CLASP1: variants seen among roughly 807,000 people sequenced by gnomAD.
CLASP1 encodes cytoplasmic linker associated protein 1.
In CLASP1, 38 loss-of-function variants were observed where a neutral mutation model predicts 192.3. The ratio of observed to expected loss-of-function variants is 0.20; its 90% CI spans 0.15 to 0.26. CLASP1 has a LOEUF of 0.26. Among genes scored for constraint, CLASP1 ranks in the 10% least tolerant of loss-of-function variants. The probability of loss-of-function intolerance (pLI) is 1.00; values close to 1 mark genes in which losing one functional copy is unlikely to be tolerated. For missense variants in CLASP1, 1,433 were observed against 1,932.5 expected (o/e 0.74, Z 4.85); for synonymous variants, 691 against 712.8 (o/e 0.97, Z 0.49).
intron 8 of CLASP1, among the ~76,000 whole-genome samples, chr2:121,502,494 C>T (rs2150246305): frequency 6.6e-6 from 1 of 152,290 alleles, no homozygotes; most frequent in South Asian, 2.1e-4. Context: ...ATGATACCCA[C>T]AGGGCAAATA....
At chr2:121,398,698 G>A (rs1384260688) in intron 28 of CLASP1, among the ~76,000 whole-genome samples, 3 of 141,138 alleles carry the variant, frequency 2.1e-5, no homozygotes, top group Non-Finnish European at 3.2e-5. Context: ...CTAGGGATTC[G>A]CTCATTTTCC....
intron 2 of CLASP1, among the ~76,000 whole-genome samples, chr2:121,531,866 CA>C (rs11376040): frequency 3.5e-4 from 50 of 142,346 alleles, no homozygotes; most frequent in East Asian, 4.0e-4. Flanking sequence ...GACTCGGTCT[CA>C]AAAAAAAAAA....
At chr2:121,503,114 G>T in intron 8 of CLASP1, 53 bp downstream of exon 8, 1 of 1,094,218 alleles carries the variant, frequency 9.1e-7, no homozygotes, top group Non-Finnish European at 1.4e-6. Flanking sequence ...TAACATAAAT[G>T]ATGCGAATGT....
At chr2:121,364,893 C>A in intron 36 of CLASP1, 1 of 603,872 alleles carries the variant, frequency 1.7e-6, no homozygotes, top group Admixed American at 2.7e-5. Context: ...TGCACGTAAG[C>A]CAAGCAGCAG....
exon 33 of CLASP1, chr2:121,382,322 C>G (rs1446056263): frequency 6.4e-7 from 1 of 1,552,214 alleles, no homozygotes; most frequent in Non-Finnish European, 8.7e-7. Context: ...ACCCCATAAC[C>G]GACTGCAGTG....
exon 38 of CLASP1, chr2:121,348,671 G>T (rs1213788413): frequency 1.2e-6 from 2 of 1,613,816 alleles, no homozygotes; most frequent in Non-Finnish European, 1.7e-6. Flanking sequence ...GCTCCGGGTG[G>T]ATGGAACTGG....
At chr2:121,499,512 CAAAA>C (rs58681666) in intron 8 of CLASP1, among the ~76,000 whole-genome samples, 1 of 132,190 alleles carries the variant, frequency 7.6e-6, no homozygotes, top group African/African-American at 2.6e-5. Context: ...TGTGAATATT[CAAAA>C]AAAAAAAAAC....
At chr2:121,564,414 C>T (rs1559624733) in intron 2 of CLASP1, among the ~76,000 whole-genome samples, 1 of 152,188 alleles carries the variant, frequency 6.6e-6, no homozygotes, top group Non-Finnish European at 1.5e-5. Flanking sequence ...TTCACCCTAA[C>T]TTAGAACCAC....
exon 2 of CLASP1, chr2:121,606,015 C>G (rs2064373179): frequency 1.3e-6 from 1 of 789,504 alleles, no homozygotes; most frequent in South Asian, 1.8e-5. Context: ...GCCTGTGTTT[C>G]AAAGATGCAA....
exon 13 of CLASP1, chr2:121,458,917 T>C: frequency 2.5e-6 from 4 of 1,613,078 alleles, no homozygotes; most frequent in Non-Finnish European, 3.4e-6. Flanking sequence ...TTAAAGATAG[T>C]TGGCATAATG....
At chr2:121,421,670 G>A (rs1288099659) in intron 22 of CLASP1, among the ~76,000 whole-genome samples, 1 of 152,164 alleles carries the variant, frequency 6.6e-6, no homozygotes, top group Non-Finnish European at 1.5e-5. Flanking sequence ...AGCCTCCTAA[G>A]TAGCTGGGAT....
At chr2:121,398,871 A>G (rs2075720768) in intron 28 of CLASP1, among the ~76,000 whole-genome samples, 1 of 152,230 alleles carries the variant, frequency 6.6e-6, no homozygotes, top group Non-Finnish European at 1.5e-5. Context: ...CACACCACAG[A>G]AGAATGCCTG....
At chr2:121,353,525 C>T (rs2064877694) in intron 37 of CLASP1, among the ~76,000 whole-genome samples, 1 of 152,224 alleles carries the variant, frequency 6.6e-6, no homozygotes, top group South Asian at 2.1e-4. Flanking sequence ...TGCCCAGCCA[C>T]ATCTCTATGC....
chr2:121,438,140 C>A (rs964776139), intron 19 of CLASP1, among the ~76,000 whole-genome samples: 1 of 152,098 alleles, frequency 6.6e-6, no homozygotes, highest in Non-Finnish European at 1.5e-5. Context: ...CTGCATGAAC[C>A]CCGAGGAATT....
chr2:121,597,894 T>G (rs1350531563), intron 2 of CLASP1, among the ~76,000 whole-genome samples: 2 of 152,218 alleles, frequency 1.3e-5, no homozygotes, highest in African/African-American at 4.8e-5. Context: ...TCCAGTTGCA[T>G]AGCCCAGGCG....
chr2:121,634,026 G>A (rs1417675957), intron 1 of CLASP1, among the ~76,000 whole-genome samples: 1 of 150,542 alleles, frequency 6.6e-6, no homozygotes, highest in African/African-American at 2.4e-5. Context: ...AGACCCCAGA[G>A]TACCCACCAG....
At chr2:121,506,342 G>A (rs979925917) in intron 7 of CLASP1, among the ~76,000 whole-genome samples, 1 of 152,092 alleles carries the variant, frequency 6.6e-6, no homozygotes, top group Admixed American at 6.5e-5. Flanking sequence ...TGCAGGGCTT[G>A]TCTTTATCTG....
chr2:121,389,644 T>G lies in CLASP1; in HGVS notation c.3124-1738A>C, dbSNP rs919950109. ...TGGCATTTGAAAGTTATAAAATATA[T>G]GATTACATTCTTGAATAGTACGCTT... On this transcript the variant is annotated intron_variant, in intron 30 of 39. Coordinates refer to ENST00000263710, the Ensembl canonical transcript of CLASP1. Among the ~76,000 whole-genome samples the G allele has an allele frequency of 4.6e-5, 7 of 152,214 alleles. No individual in the cohort carries two copies. The East Asian group carries it at 1.3e-3, about 29-fold the overall frequency.
At chr2:121,390,852 G>A (rs1458590132) in intron 30 of CLASP1, among the ~76,000 whole-genome samples, 1 of 151,956 alleles carries the variant, frequency 6.6e-6, no homozygotes. Flanking sequence ...GTCTTGCTAT[G>A]TTGCCCAGGC....
Sources: gnomAD v4.1 joint callset for allele counts (sites outside exome capture counted in the v4.1 genomes callset) on GRCh38, gnomAD v4.1.1 for gene constraint, MANE v1.5 for transcripts, NCBI Gene and HGNC (gene_info 2026-07-23, HGNC 2026-07-21) for gene names.